The following NINL variants were observed in gnomAD, a reference collection of about 807,000 sequenced individuals.
NINL encodes the protein ninein-like protein.
In NINL, 153 loss-of-function variants were observed where a neutral mutation model predicts 160.3. That is an observed-to-expected ratio of 0.95 (90% confidence interval 0.84 to 1.09). NINL has a LOEUF of 1.09. NINL is among the 50% of genes least tolerant of loss of function. NINL has a pLI of 0.00. For missense variants in NINL, 1,829 were observed against 1,764.0 expected (o/e 1.04, Z -0.66); for synonymous variants, 800 against 734.8 (o/e 1.09, Z -1.43).
chr20:25,489,507 A>G (rs2063576102), intron 12 of NINL, among the ~76,000 whole-genome samples, 183 bp from the exon 13 acceptor site: 1 of 151,346 alleles, frequency 6.6e-6, no homozygotes, highest in South Asian at 2.1e-4. Context: ...ACAAGACAGA[A>G]GGATTTTCCA....
At chr20:25,499,312 G>T in intron 8 of NINL, 1 of 860,986 alleles carries the variant, frequency 1.2e-6, no homozygotes, top group Non-Finnish European at 1.4e-6. Context: ...CAGAAATGCT[G>T]ACTGAGTTGC....
intron 1 of NINL, among the ~76,000 whole-genome samples, chr20:25,565,603 A>T (rs1458733848): frequency 1.3e-5 from 2 of 152,228 alleles, no homozygotes; most frequent in African/African-American, 4.8e-5. Context: ...ATGGAGGGGC[A>T]AGATAAAAAC....
intron 1 of NINL, among the ~76,000 whole-genome samples, chr20:25,571,711 T>C (rs1179507334): frequency 6.6e-6 from 1 of 151,466 alleles, no homozygotes; most frequent in Non-Finnish European, 1.5e-5. Flanking sequence ...CTACTAAAAA[T>C]ACAAAATTAG....
intron 1 of NINL, among the ~76,000 whole-genome samples, chr20:25,566,475 CAA>C (rs2065000942): frequency 6.6e-6 from 1 of 151,262 alleles, no homozygotes; most frequent in Admixed American, 6.6e-5. Context: ...TCAGATCTGA[CAA>C]AGATTTTGCA....
At chr20:25,459,410 A>AC (rs1568831911) in intron 21 of NINL, among the ~76,000 whole-genome samples, 1 of 152,112 alleles carries the variant, frequency 6.6e-6, no homozygotes, top group African/African-American at 2.4e-5. Flanking sequence ...GACGGGGGTC[A>AC]CCCCAGAGAG....
chr20:25,461,495 G>T, intron 21 of NINL, 27 bp downstream of exon 21: 1 of 1,383,966 alleles, frequency 7.2e-7, no homozygotes, highest in Non-Finnish European at 9.9e-7. Flanking sequence ...ACTGGACCCA[G>T]TGCCTCCAGC....
rs2090577905 is a variant in NINL at position 25,453,335 on chromosome 20, A to C, written c.*116T>G. On this transcript the variant is annotated 3_prime_UTR_variant, in exon 24 of 24. Transcript: ENST00000278886. ...TAACTATCTGCGGGGTGAACAAAGA[A>C]TCCCAATCCTCAGATGTCCCAGGAC... 1 of 900,232 alleles carries C rather than the reference A, an allele frequency of 1.1e-6. No individual in the cohort carries two copies. Among genetic ancestry groups the C allele is most frequent in the Admixed American group, 2.7e-5 (1 of 36,842 alleles). The allele number at this position is 900,232 out of a possible 1,614,324, so 55.8% of individuals were successfully genotyped here. A position where few individuals can be genotyped will look rare whatever the true frequency, so the allele number is the denominator to read the frequency against.
chr20:25,520,211 A>G lies in NINL; in HGVS notation c.181-2362T>C, dbSNP rs953961181. On this transcript the variant is annotated intron_variant, in intron 2 of 23. Coordinates refer to ENST00000278886, the MANE Select transcript of NINL (RefSeq NM_025176.6). ...GTTTGGAATATTCACTGACCTGTAC[A>G]CTTGGACACATGGCTCTTTTCTCTA... Among the ~76,000 whole-genome samples, 8 of 152,246 alleles carry G rather than the reference A, an allele frequency of 5.3e-5. No homozygotes were observed. In the South Asian group the frequency reaches 1.7e-3, roughly 32 times the overall value.
intron 13 of NINL, among the ~76,000 whole-genome samples, chr20:25,484,410 A>G (rs988721472): frequency 3.3e-5 from 5 of 152,168 alleles, no homozygotes; most frequent in Non-Finnish European, 7.3e-5. Context: ...GAAAGGAACC[A>G]AGACTCCTTG....
chr20:25,506,745 G>A (rs778507647), intron 5 of NINL, among the ~76,000 whole-genome samples: 15 of 152,202 alleles, frequency 9.9e-5, no homozygotes, highest in Admixed American at 6.5e-5. Context: ...ACTGAAGGAC[G>A]GCTTCTACTG....
chr20:25,556,273 G>A (rs2064865691), intron 1 of NINL, among the ~76,000 whole-genome samples: 1 of 152,016 alleles, frequency 6.6e-6, no homozygotes, highest in African/African-American at 2.4e-5. Flanking sequence ...GACAGAGCAA[G>A]ACCCTGTCTC....
chr20:25,545,475 GC>G (rs34624874), intron 1 of NINL, among the ~76,000 whole-genome samples: 8,400 of 150,972 alleles, frequency 0.056, 263 homozygotes, highest in Middle Eastern at 0.12. Context: ...AAAATTCTGA[GC>G]CCCCCCCCAT....
chr20:25,548,172 G>A (rs75588873), intron 1 of NINL, among the ~76,000 whole-genome samples: 3,226 of 152,164 alleles, frequency 0.021, 103 homozygotes, highest in African/African-American at 0.073. Flanking sequence ...CAGCTTGGTC[G>A]GGGGGGTTCT....
At chr20:25,545,094 G>A (rs1014292773) in intron 1 of NINL, among the ~76,000 whole-genome samples, 10 of 152,204 alleles carry the variant, frequency 6.6e-5, no homozygotes, top group Non-Finnish European at 1.3e-4. Flanking sequence ...TTTTCCTGAA[G>A]AGGTTTTCTG....
chr20:25,465,105 T>C (rs1298549007), intron 19 of NINL, among the ~76,000 whole-genome samples: 1 of 152,228 alleles, frequency 6.6e-6, no homozygotes, highest in Non-Finnish European at 1.5e-5. Flanking sequence ...TCACTCTGCA[T>C]CTGCTCCAGC....
At position 25,479,282 on chromosome 20, in the gene NINL, C is replaced by A. The variant is rs79738796; in HGVS notation, c.1918-76G>T. ...TTGCTGCTGACGTAACACAGAAACA[C>A]GAAGCTGCCTGGCACAACGTGCAAA... On this transcript the variant is annotated intron_variant, in intron 15 of 23. Transcript: ENST00000278886. The A allele has an allele frequency of 1.1e-4, 171 of 1,522,900 alleles. No individual in the cohort carries two copies. In the African/African-American group the frequency reaches 2.3e-3, roughly 20 times the overall value. The allele number at this position is 1,522,900 out of a possible 1,614,324, so 94.3% of individuals were successfully genotyped here. A position where few individuals can be genotyped will look rare whatever the true frequency, so the allele number is the denominator to read the frequency against.
At chr20:25,466,658 C>G (rs376108325) in intron 19 of NINL, among the ~76,000 whole-genome samples, 1 of 151,806 alleles carries the variant, frequency 6.6e-6, no homozygotes. Flanking sequence ...AAATTAGCCA[C>G]GCATGGTGGT....
intron 10 of NINL, among the ~76,000 whole-genome samples, chr20:25,494,212 C>T (rs1037599871): frequency 3.3e-5 from 5 of 150,890 alleles, no homozygotes; most frequent in African/African-American, 1.2e-4. Flanking sequence ...CTCAGCACCC[C>T]CAATGCACCC....
At chr20:25,469,644 G>A (rs1188511318) in intron 18 of NINL, among the ~76,000 whole-genome samples, 1 of 152,104 alleles carries the variant, frequency 6.6e-6, no homozygotes, top group Non-Finnish European at 1.5e-5. Flanking sequence ...TACAGACACT[G>A]TTGTGGCCTC....
Sources: allele counts gnomAD v4.1 joint callset (sites outside exome capture counted in the v4.1 genomes callset), GRCh38; gene constraint gnomAD v4.1.1; transcripts MANE v1.5; gene names NCBI Gene and HGNC (gene_info 2026-07-23, HGNC 2026-07-21).